SLX4: variants seen among roughly 807,000 people sequenced by gnomAD.
SLX4 encodes SLX4 structure-specific endonuclease subunit.
SLX4 carries 112 observed loss-of-function variants against 146.2 expected under a neutral mutation model. The ratio of observed to expected loss-of-function variants is 0.77; its 90% confidence interval spans 0.66 to 0.90. The LOEUF (loss-of-function observed/expected upper bound fraction) is 0.90, where lower values mean the gene tolerates loss of function less well. Ranked by LOEUF, SLX4 falls within the 40% of genes least tolerant of loss-of-function variation. SLX4 has a pLI of 0.00. For synonymous variants in SLX4, 1,061 were observed against 997.7 expected (o/e 1.06, Z -1.20); for missense variants, 2,563 against 2,392.7 (o/e 1.07, Z -1.49).
intron 3 of SLX4, among the ~76,000 whole-genome samples, 185 bp downstream of exon 3, chr16:3,606,289 G>C (rs564214951): frequency 6.6e-6 from 1 of 152,194 alleles, no homozygotes; most frequent in South Asian, 2.1e-4. Flanking sequence ...AAGGAAGCTA[G>C]GTGGGAAATG....
chr16:3,604,108 T>C (rs2040757813), intron 3 of SLX4, among the ~76,000 whole-genome samples: 1 of 151,588 alleles, frequency 6.6e-6, no homozygotes, highest in South Asian at 2.1e-4. Context: ...GGTGGGTGCT[T>C]GTAATCCCAG....
chr16:3,595,623 G>T lies in SLX4; in HGVS notation c.1995C>A (p.Asp665Glu), dbSNP rs1383790597. 1.2e-6 allele frequency: 2 copies of T among 1,613,880 alleles called. No individual in the cohort carries two copies. The highest frequency in any genetic ancestry group is 2.7e-5 in the African/African-American group (2 of 74,926). ...TTCTTACCAAGGTGCGGCCGCCCCT[G>T]TCCGGGTGCTTGTCCTGCGATGGCA... ...FVVPSQDKHP[D>E]RGGRTLLSLG... Residue 665 changes from aspartate (D) to glutamate (E), a missense_variant, in exon 9 of 15, where the codon GAC becomes GAA. By Grantham distance (45) the Asp-to-Glu change is conservative. Transcript: ENST00000294008.
intron 9 of SLX4, 57 bp from the exon 10 acceptor site, chr16:3,594,656 G>A: frequency 1.2e-6 from 2 of 1,611,116 alleles, no homozygotes; most frequent in Non-Finnish European, 1.7e-6. Context: ...TGCTAACTGG[G>A]CAGTGGGAAG....
intron 3 of SLX4, among the ~76,000 whole-genome samples, chr16:3,603,184 G>C (rs2040746774): frequency 6.6e-6 from 1 of 152,172 alleles, no homozygotes; most frequent in Non-Finnish European, 1.5e-5. Context: ...CTCCTGAGTA[G>C]CTGGGATTAC....
intron 4 of SLX4, chr16:3,601,906 T>A: frequency 1.8e-6 from 1 of 569,466 alleles, no homozygotes; most frequent in Non-Finnish European, 3.1e-6. Flanking sequence ...TGTGTGAATA[T>A]CCCAAAAGTA....
Position 3,608,743 on chromosome 16 carries a change from C to T in SLX4, c.222G>A (p.Arg74=), listed in dbSNP as rs2040814885. 2 of 1,614,156 alleles carry T rather than the reference C, an allele frequency of 1.2e-6. No individual in the cohort carries two copies. Among genetic ancestry groups the T allele is most frequent in the Non-Finnish European group, 1.7e-6 (2 of 1,180,030 alleles). Reference sequence around the variant, plus strand: ...CGTTTGAGGCAGCCTTTTGTGTCTTCCTTTCTCCTGACACTTCCTTGATTC... The same window carrying T: ...CGTTTGAGGCAGCCTTTTGTGTCTTTCTTTCTCCTGACACTTCCTTGATTC... ...KHGIKEVSGE[R]KTQKAASNGT... The change falls in exon 2 of 15, where the codon AGG becomes AGA. Residue 74 remains arginine, a synonymous_variant. Transcript: ENST00000294008.
chr16:3,584,823 G>T lies in SLX4; in HGVS notation c.4685C>A (p.Pro1562Gln). Residue 1562 changes from proline to glutamine, a missense_variant, in exon 13 of 15, where the codon CCG becomes CAG. By Grantham distance (76) the Pro-to-Gln change is moderately conservative (BLOSUM62 -1). Transcript: ENST00000294008. The stretch of plus-strand genomic sequence containing the variant: ...CTCCATAATGGAATACTGTGGCATC[G>T]GCGTTATGGGCACTTTGGGGGGCAA... ...KNLPPKVPIT[P>Q]MPQYSIMETP... 1 of 1,614,102 alleles carries T rather than the reference G, an allele frequency of 6.2e-7. No homozygotes were observed. The highest frequency in any genetic ancestry group is 8.5e-7 in the Non-Finnish European group (1 of 1,179,980).
Position 3,592,767 on chromosome 16 carries a change from G to C in SLX4, c.2259C>G (p.His753Gln), listed in dbSNP as rs374294258. ...VSTEAARTFL[H>Q]YLYTADTGLP... is the part of the protein sequence containing the mutation. ...GGCCAGTGTCCGCAGTGTAGAGATA[G>C]TGCAGGAACGTGCGGGCGGCCTCGG... Residue 753 changes from histidine (H) to glutamine (Q), a missense_variant, in exon 11 of 15, where the codon CAC becomes CAG. Transcript: ENST00000294008. The C allele has an allele frequency of 1.6e-5, 26 of 1,612,954 alleles. No individual in the cohort carries two copies. The African/African-American group carries it at 2.0e-4, about 12-fold the overall frequency.
rs373178144 is a variant in SLX4 at position 3,592,784 on chromosome 16, C to T, written c.2242G>A (p.Ala748Thr). The T allele has an allele frequency of 3.9e-5, 63 of 1,612,696 alleles. No individual in the cohort carries two copies. Among genetic ancestry groups the T allele is most frequent in the Middle Eastern group, 2.0e-4 (1 of 5,000 alleles). Reference protein sequence around the residue: ...VLLGDVSTEAARTFLHYLYTA... With the variant: ...VLLGDVSTEATRTFLHYLYTA... ...TAGAGATAGTGCAGGAACGTGCGGG[C>T]GGCCTCGGTGCTCACGTCACCCAGC... The change falls in exon 11 of 15, where the codon GCC (alanine) becomes ACC (threonine). Residue 748 changes from alanine (A) to threonine (T), a missense_variant. Ala to Thr is a moderately conservative substitution (Grantham distance 58). Transcript: ENST00000294008.
rs1467954816 is a variant in SLX4, at chr16:3,597,203, G to A, written c.1683+176C>T. ...TCCCTGATCCTACCCAGAGTACCAT[G>A]TAGTTGCTGGACAGAGAAGAAAGCT... is the stretch of plus-strand genomic sequence containing the variant. On this transcript the variant is annotated intron_variant, in intron 7 of 14. Coordinates refer to ENST00000294008, the MANE Select transcript of SLX4 (RefSeq NM_032444.4). The surrounding 1 kb of genome is among the most constrained non-coding windows in gnomAD (Gnocchi z 4.4). Among the ~76,000 whole-genome samples the A allele has an allele frequency of 6.6e-6, 1 of 152,226 alleles. No homozygotes were observed. Among genetic ancestry groups the A allele is most frequent in the Non-Finnish European group, 1.5e-5 (1 of 68,036 alleles).
At chr16:3,599,093 CA>C (rs2040699276) in intron 5 of SLX4, among the ~76,000 whole-genome samples, 1 of 152,220 alleles carries the variant, frequency 6.6e-6, no homozygotes, top group Admixed American at 6.5e-5. Context: ...TTTATCTGAG[CA>C]GGTGCTTTTG....
rs761296000 is a variant in SLX4, at chr16:3,591,009, C to T, written c.2629G>A (p.Ala877Thr). ...GGACTGCCACCCTCCAGCCAGTCAGCGTCCTCGCCGGCACCCGCTGCCCTT... is the reference window on the plus strand; with the variant it reads ...GGACTGCCACCCTCCAGCCAGTCAGTGTCCTCGCCGGCACCCGCTGCCCTT... ...EERAAGAGED[A>T]DWLEGGSPVS... is the part of the protein sequence containing the mutation. Residue 877 changes from alanine to threonine, a missense_variant, in exon 12 of 15, where the codon GCT becomes ACT. Transcript: ENST00000294008. The T allele has an allele frequency of 8.1e-6, 13 of 1,614,062 alleles. No homozygotes were observed. The highest frequency in any genetic ancestry group is 6.6e-5 in the South Asian group (6 of 91,088).
Position 3,591,043 on chromosome 16 carries a change from GAGA to G in SLX4, c.2592_2594del (p.Leu865del), listed in dbSNP as rs2040586914. On this transcript the variant is annotated inframe_deletion, in exon 12 of 15. Coordinates refer to ENST00000294008, the MANE Select transcript of SLX4 (RefSeq NM_032444.4). Reference sequence around the variant, plus strand: ...CGGCACCCGCTGCCCTTTCTTCCTGGAGAAGCTTTCGCTGAGTAGCTGCAAATT... The same window carrying G: ...CGGCACCCGCTGCCCTTTCTTCCTGGAGCTTTCGCTGAGTAGCTGCAAATT... 1 of 1,614,016 alleles carries G rather than the reference GAGA, an allele frequency of 6.2e-7. No homozygotes were observed. Among genetic ancestry groups the G allele is most frequent in the South Asian group, 1.1e-5 (1 of 91,088 alleles).
rs762090546 is a variant in SLX4, at chr16:3,590,830, T to G, written c.2808A>C (p.Ser936=). 1 of 1,613,798 alleles carries G rather than the reference T, an allele frequency of 6.2e-7. No individual in the cohort carries two copies. Among genetic ancestry groups the G allele is most frequent in the African/African-American group, 1.3e-5 (1 of 74,924 alleles). The change falls in exon 12 of 15, where the codon TCA becomes TCC. Residue 936 remains serine (S), a synonymous_variant. Coordinates refer to ENST00000294008, the MANE Select transcript of SLX4 (RefSeq NM_032444.4). The surrounding 1 kb of genome is among the most constrained non-coding windows in gnomAD (Gnocchi z 4.8). ...CAGGGGCCTCTGCTCCCCGTGCCCC[T>G]GAGTGCTGGCCCTGGGGTGGCGGGA... ...CALPPPQGQH[S]GARGAEAPEQ...
chr16:3,601,343 T>C (rs2040725615), intron 4 of SLX4, 152 bp from the exon 5 acceptor site: 2 of 764,144 alleles, frequency 2.6e-6, no homozygotes, highest in East Asian at 5.3e-5. Context: ...CTCCCGGCAG[T>C]CAGCCCCTAG....
chr16:3,595,681 A>C lies in SLX4; in HGVS notation c.1937T>G (p.Val646Gly), dbSNP rs1159677157. The C allele has an allele frequency of 1.2e-6, 2 of 1,613,956 alleles. No individual in the cohort carries two copies. The highest frequency in any genetic ancestry group is 1.7e-6 in the Non-Finnish European group (2 of 1,180,044). ...CCCAGTCAGAGGAAGGCCGCCGGGC[A>C]CCACGTCCAACCCTGAGTGGAGGAT... ...GSEGTAGLDV[V>G]PGGLPLTGFV... Residue 646 changes from valine to glycine, a missense_variant, in exon 9 of 15, where the codon GTG (valine) becomes GGG (glycine). Val to Gly is a moderately radical substitution (Grantham distance 109). Transcript: ENST00000294008.
chr16:3,583,289 T>C lies in SLX4; in HGVS notation c.4961A>G (p.His1654Arg), dbSNP rs1330131811. ...QQEATTGPGA[H>R]RPKGPAKTKG... Reference sequence around the variant, plus strand: ...GGTCTTAGCAGGTCCCTTGGGCCTATGGGCCCCAGGTCCTGTGGTGGCCTC... The same window carrying C: ...GGTCTTAGCAGGTCCCTTGGGCCTACGGGCCCCAGGTCCTGTGGTGGCCTC... Residue 1654 changes from histidine to arginine, a missense_variant, in exon 14 of 15, where the codon CAT (histidine) becomes CGT (arginine). His to Arg is a conservative substitution (Grantham distance 29). Coordinates refer to ENST00000294008, the MANE Select transcript of SLX4 (RefSeq NM_032444.4). 1 of 1,614,222 alleles carries C rather than the reference T, an allele frequency of 6.2e-7. No homozygotes were observed. The highest frequency in any genetic ancestry group is 8.5e-7 in the Non-Finnish European group (1 of 1,180,036).
In SLX4 at chr16:3,592,300, G is replaced by C. The variant is rs75624385; in HGVS notation, c.2327+399C>G. ...GGAGAGCTGTGGCATCTGGGATGCA[G>C]CCTAAGCATTCTCTCCATGCCTGTT... is the stretch of plus-strand genomic sequence containing the variant. On this transcript the variant is annotated intron_variant, in intron 11 of 14. Transcript: ENST00000294008. Among the ~76,000 whole-genome samples the C allele has an allele frequency of 0.014, 2,106 of 152,364 alleles. 93 individuals carry two copies. The East Asian group carries it at 0.16, about 12-fold the overall frequency.
chr16:3,608,539 A>C lies in SLX4; in HGVS notation c.426T>G (p.Gly142=). 1 of 1,613,476 alleles carries C rather than the reference A, an allele frequency of 6.2e-7. No individual in the cohort carries two copies. The highest frequency in any genetic ancestry group is 8.5e-7 in the Non-Finnish European group (1 of 1,179,916). ...EPAHSVNGEG[G]VLASAPDPPV... ...GTGGATCTGGAGCAGAGGCAAGCAC[A>C]CCCCCCTCCCCATTCACAGAGTGGG... The change falls in exon 2 of 15, where the codon GGT becomes GGG. Residue 142 remains glycine (G), a synonymous_variant. Coordinates refer to ENST00000294008, the MANE Select transcript of SLX4 (RefSeq NM_032444.4).
Sources: allele counts gnomAD v4.1 joint callset (sites outside exome capture counted in the v4.1 genomes callset), GRCh38; gene constraint gnomAD v4.1.1; non-coding constraint Gnocchi (gnomAD v3.1); transcripts MANE v1.5; gene names NCBI Gene and HGNC (gene_info 2026-07-23, HGNC 2026-07-21).